Variants in TENM3 observed in about 807,000 individuals in gnomAD.
The protein encoded by TENM3 is teneurin transmembrane protein 3.
A neutral mutation model predicts 255.1 loss-of-function variants in TENM3; 63 were observed. The observed-to-expected ratio is 0.25, with a 90% CI of 0.20 to 0.30. The LOEUF (loss-of-function observed/expected upper bound fraction) is 0.30, where lower values mean the gene tolerates loss of function less well. Among genes scored for constraint, TENM3 ranks in the 10% least tolerant of loss-of-function variants. The probability of loss-of-function intolerance (pLI) is 1.00; values close to 1 mark genes in which losing one functional copy is unlikely to be tolerated. For missense variants in TENM3, 2,929 were observed against 3,461.1 expected (o/e 0.85, Z 3.86); for synonymous variants, 1,306 against 1,322.3 (o/e 0.99, Z 0.27).
intron 3 of TENM3, among the ~76,000 whole-genome samples, chr4:182,384,048 G>A (rs1210786036): frequency 6.6e-6 from 1 of 152,166 alleles, no homozygotes; most frequent in Non-Finnish European, 1.5e-5. Flanking sequence ...ATGCTCATTG[G>A]GCCTAGGAAG....
intron 24 of TENM3, among the ~76,000 whole-genome samples, chr4:182,781,791 A>G (rs1451886599): frequency 4.0e-5 from 6 of 149,312 alleles, no homozygotes; most frequent in African/African-American, 1.5e-4. Flanking sequence ...GGGAGAGTGT[A>G]TGTGTCGAGG....
the TENM3 span, among the ~76,000 whole-genome samples, chr4:181,842,960 G>A: frequency 3.3e-5 from 5 of 152,176 alleles, no homozygotes; most frequent in Non-Finnish European, 7.3e-5. Flanking sequence ...TATCCCTAGA[G>A]TGTTTTGTTA....
chr4:182,287,232 A>G (rs992288576), intron 1 of TENM3, among the ~76,000 whole-genome samples: 3 of 152,160 alleles, frequency 2.0e-5, no homozygotes, highest in African/African-American at 7.2e-5. Flanking sequence ...CGTCTCTAAT[A>G]AATAAACTAA....
chr4:181,906,302 G>A, the TENM3 span: 13,978 of 170,132 alleles, frequency 0.082, 685 homozygotes, highest in East Asian at 0.19. Context: ...GGAAATTTAC[G>A]TTGCTGTATA....
intron 19 of TENM3, among the ~76,000 whole-genome samples, chr4:182,749,208 G>C (rs1412546242): frequency 6.6e-6 from 1 of 152,054 alleles, no homozygotes; most frequent in Non-Finnish European, 1.5e-5. Context: ...AATCATCATT[G>C]TTCATCATTA....
the TENM3 span, among the ~76,000 whole-genome samples, chr4:181,594,630 A>G: frequency 6.6e-6 from 1 of 152,190 alleles, no homozygotes; most frequent in Admixed American, 6.5e-5. Context: ...CTATTTAAGC[A>G]GCCTCAACGG....
intron 3 of TENM3, among the ~76,000 whole-genome samples, chr4:182,559,783 A>G (rs910285157): frequency 1.3e-5 from 2 of 152,142 alleles, no homozygotes; most frequent in Admixed American, 6.6e-5. Flanking sequence ...TCTACATTCT[A>G]TAGAGAGTAA....
At position 182,619,274 on chromosome 4, in the gene TENM3, A is replaced by T. The variant is rs113630129; in HGVS notation, c.750-9377A>T. Among the ~76,000 whole-genome samples, 165 of 151,676 alleles carry T rather than the reference A, an allele frequency of 1.1e-3. 3 individuals are homozygous for T. Among genetic ancestry groups the T allele is most frequent in the East Asian group, 3.7e-3 (19 of 5,144 alleles). On this transcript the variant is annotated intron_variant, in intron 4 of 27. Coordinates refer to ENST00000511685, the MANE Select transcript of TENM3 (RefSeq NM_001080477.4). ...AACCCTGTCTCTACTAAAAATAATT[A>T]AAAAAAATTAGCTGGGCATGGTGGC...
At chr4:182,674,261 A>G (rs1347918552) in intron 7 of TENM3, among the ~76,000 whole-genome samples, 1 of 152,164 alleles carries the variant, frequency 6.6e-6, no homozygotes, top group Non-Finnish European at 1.5e-5. Context: ...TCTATAACCT[A>G]GGAACATAAA....
intron 1 of TENM3, among the ~76,000 whole-genome samples, chr4:182,221,176 GAA>G (rs1320349760): frequency 1.3e-5 from 2 of 152,156 alleles, no homozygotes; most frequent in African/African-American, 4.8e-5. Flanking sequence ...AAATAAGGAG[GAA>G]AAAGACACCG....
chr4:182,550,330 T>C (rs1741873487), intron 3 of TENM3, among the ~76,000 whole-genome samples: 1 of 152,206 alleles, frequency 6.6e-6, no homozygotes, highest in African/African-American at 2.4e-5. Context: ...TACAGACCTA[T>C]TTGTTGAGAT....
At chr4:182,673,245 A>G (rs1435195445) in intron 7 of TENM3, 26 bp downstream of exon 7, 1 of 1,485,474 alleles carries the variant, frequency 6.7e-7, no homozygotes, top group Non-Finnish European at 9.2e-7. Context: ...CTTATCAATA[A>G]AATAAAAACT....
chr4:182,150,529 T>C (rs1316493484), intron 1 of TENM3, among the ~76,000 whole-genome samples: 1 of 151,972 alleles, frequency 6.6e-6, no homozygotes, highest in Non-Finnish European at 1.5e-5. Context: ...CTTATACTGA[T>C]GGAAAAAAGA....
chr4:181,996,550 G>A, the TENM3 span, among the ~76,000 whole-genome samples: 1 of 152,204 alleles, frequency 6.6e-6, no homozygotes, highest in Non-Finnish European at 1.5e-5. Flanking sequence ...AGGAGCACTG[G>A]TTGCCAGGGG....
At chr4:181,691,356 CTTA>C in the TENM3 span, among the ~76,000 whole-genome samples, 7 of 136,406 alleles carry the variant, frequency 5.1e-5, no homozygotes, top group African/African-American at 1.9e-4. Context: ...TGTGTATATA[CTTA>C]TTATACACAC....
At chr4:181,720,329 T>C in the TENM3 span, among the ~76,000 whole-genome samples, 1 of 152,234 alleles carries the variant, frequency 6.6e-6, no homozygotes, top group Non-Finnish European at 1.5e-5. Context: ...TAAGCCAATA[T>C]TATAATTCTC....
At chr4:182,243,946 C>CTTTTTTT (rs967487689) in intron 1 of TENM3, among the ~76,000 whole-genome samples, 21 of 72,920 alleles carry the variant, frequency 2.9e-4, no homozygotes, top group South Asian at 5.2e-4. Flanking sequence ...TTTGTGTTTT[C>CTTTTTTT]TTTTTTTTTT....
the TENM3 span, among the ~76,000 whole-genome samples, chr4:181,801,890 CT>C: frequency 6.6e-6 from 1 of 151,880 alleles, no homozygotes; most frequent in Non-Finnish European, 1.5e-5. Flanking sequence ...AGTCACCATT[CT>C]TTTTTGAACT....
chr4:182,453,624 T>G (rs985762894), intron 3 of TENM3, among the ~76,000 whole-genome samples: 12 of 152,138 alleles, frequency 7.9e-5, no homozygotes, highest in Non-Finnish European at 7.4e-5. Flanking sequence ...TTGTAAAAAA[T>G]TAAAACGATG....
Sources: gnomAD v4.1 joint callset for allele counts (sites outside exome capture counted in the v4.1 genomes callset) on GRCh38, gnomAD v4.1.1 for gene constraint, MANE v1.5 for transcripts, NCBI Gene and HGNC (gene_info 2026-07-23, HGNC 2026-07-21) for gene names.